The following USP50 variants were observed in gnomAD, a reference collection of about 807,000 sequenced individuals.
USP50 encodes the protein ubiquitin carboxyl-terminal hydrolase 50.
A neutral mutation model predicts 39.2 loss-of-function variants in USP50; 37 were observed. The observed-to-expected ratio is 0.94, with a 90% CI of 0.73 to 1.24. The LOEUF is 1.24. Ranked by LOEUF, USP50 falls within the 50% of genes most tolerant of loss-of-function variation. USP50 has a pLI of 0.00. For missense variants in USP50, 374 were observed against 398.2 expected (o/e 0.94, Z 0.52); for synonymous variants, 139 against 144.5 (o/e 0.96, Z 0.27).
At chr15:50,545,708 C>T (rs12438850) in intron 1 of USP50, among the ~76,000 whole-genome samples, 24,471 of 151,674 alleles carry the variant, frequency 0.16, 2,358 homozygotes, top group Admixed American at 0.29. Context: ...CACACACACA[C>T]ATATACACGG....
chr15:50,529,832 G>T lies in USP50; in HGVS notation c.901C>A (p.Arg301=). The change falls in exon 6 of 7, where the codon CGG becomes AGG. Residue 301 remains arginine, a synonymous_variant. Coordinates refer to ENST00000532404, the MANE Select transcript of USP50 (RefSeq NM_203494.5). ...DLTPYICSIF[R]KYPKYNLCAV... ...CAGAGGTTGTATTTAGGATATTTCCGGAAAATTGAGCAAATATAAGGAGTG... is the reference window on the plus strand; with the variant it reads ...CAGAGGTTGTATTTAGGATATTTCCTGAAAATTGAGCAAATATAAGGAGTG... 6.2e-7 allele frequency: 1 copy of T among 1,613,756 alleles called. No individual in the cohort carries two copies. Among genetic ancestry groups the T allele is most frequent in the Non-Finnish European group, 8.5e-7 (1 of 1,179,818 alleles).
chr15:50,540,509 AG>A, intron 4 of USP50, among the ~76,000 whole-genome samples: 1 of 152,208 alleles, frequency 6.6e-6, no homozygotes, highest in East Asian at 1.9e-4. Context: ...CCAATTTTAC[AG>A]TCAGGCTATT....
chr15:50,538,684 C>T (rs1566911304), intron 5 of USP50, 25 bp downstream of exon 5: 7 of 1,544,596 alleles, frequency 4.5e-6, no homozygotes, highest in South Asian at 2.4e-5. Context: ...AAAATATGTG[C>T]CCACAAAAAT....
chr15:50,529,163 T>C (rs567189248), intron 6 of USP50, among the ~76,000 whole-genome samples: 18 of 152,222 alleles, frequency 1.2e-4, no homozygotes, highest in East Asian at 5.8e-4. Context: ...GTGGCTAGTA[T>C]GTACCTACTC....
At chr15:50,499,013 T>C, downstream of USP50, 1 of 1,614,010 alleles carries the variant, frequency 6.2e-7, no homozygotes, top group Non-Finnish European at 8.5e-7. Context: ...TCTCCGTTTC[T>C]TCTGTGAAAT....
intron 6 of USP50, chr15:50,504,079 A>C (rs2052625923): frequency 6.6e-6 from 1 of 152,196 alleles, no homozygotes; most frequent in Non-Finnish European, 1.5e-5. Context: ...ATGTGATGGG[A>C]AAGATTTGAA....
chr15:50,515,561 AGACT>A (rs777194350), intron 6 of USP50, among the ~76,000 whole-genome samples: 2 of 152,072 alleles, frequency 1.3e-5, no homozygotes, highest in Non-Finnish European at 2.9e-5. Context: ...TATTCTAATA[AGACT>A]GACCCCCAAA....
At chr15:50,500,276 C>G (rs1024477126), downstream of USP50, 1 of 153,472 alleles carries the variant, frequency 6.5e-6, no homozygotes. Context: ...TTAAACTCAT[C>G]GAGCCATTTG....
intron 6 of USP50, among the ~76,000 whole-genome samples, chr15:50,526,232 T>C (rs141442068): frequency 3.0e-3 from 450 of 152,216 alleles, no homozygotes; most frequent in Non-Finnish European, 3.9e-3. Context: ...CTAACTTCTG[T>C]ATTTTTTTGT....
intron 5 of USP50, among the ~76,000 whole-genome samples, chr15:50,530,358 G>C (rs148850701): frequency 2.9e-3 from 445 of 152,042 alleles, no homozygotes; most frequent in Middle Eastern, 6.8e-3. Flanking sequence ...TGAGGCGGGT[G>C]GATCACTTGA....
Position 50,529,909 on chromosome 15 carries a change from G to T in USP50, c.824C>A (p.Thr275Lys), listed in dbSNP as rs373904683. ...AATATCCGTTCTCAGCTTCCTTTTT[G>T]TTGTACCCTGAATGTCAAACCTGCA... ...HLKRFDIQGT[T>K]KRKLRTDIHY... Residue 275 changes from threonine (T) to lysine (K), a missense_variant, in exon 6 of 7, where the codon ACA (threonine) becomes AAA (lysine). By Grantham distance (78) the Thr-to-Lys change is moderately conservative. Coordinates refer to ENST00000532404, the MANE Select transcript of USP50 (RefSeq NM_203494.5). The T allele has an allele frequency of 6.2e-7, 1 of 1,613,828 alleles. No homozygotes were observed. Among genetic ancestry groups the T allele is most frequent in the Non-Finnish European group, 8.5e-7 (1 of 1,179,880 alleles).
chr15:50,510,621 G>A (rs1466506344), intron 6 of USP50: 1 of 152,130 alleles, frequency 6.6e-6, no homozygotes, highest in Non-Finnish European at 1.5e-5. Context: ...GAAGTGTCAC[G>A]ATACAAGATT....
chr15:50,493,316 T>C, downstream of USP50: 1 of 520,530 alleles, frequency 1.9e-6, no homozygotes, highest in South Asian at 1.4e-5. Context: ...AACCTATGAA[T>C]AAGTAAGCAT....
intron 1 of USP50, among the ~76,000 whole-genome samples, chr15:50,495,244 ACG>A (rs2052334634): frequency 1.7e-5 from 1 of 57,852 alleles, no homozygotes; most frequent in Non-Finnish European, 4.1e-5. Flanking sequence ...ATATATATAT[ACG>A]TGTATATATA....
intron 6 of USP50, among the ~76,000 whole-genome samples, chr15:50,521,124 C>T (rs1383569315): frequency 6.6e-6 from 1 of 152,124 alleles, no homozygotes; most frequent in South Asian, 2.1e-4. Context: ...TCACTGCAAC[C>T]TCCACCTCCC....
rs767962082 is a variant in USP50, at chr15:50,546,537, C to A, written c.-12G>T. ...GGCTGAGAAGTCATTTTAATGGAACCACGTTGGACTTTTGCTTCTATTCAG... is the reference window on the plus strand; with the variant it reads ...GGCTGAGAAGTCATTTTAATGGAACAACGTTGGACTTTTGCTTCTATTCAG... On this transcript the variant is annotated 5_prime_UTR_variant, in exon 1 of 7. Transcript: ENST00000532404. 1 of 1,613,436 alleles carries A rather than the reference C, an allele frequency of 6.2e-7. No individual in the cohort carries two copies. Among genetic ancestry groups the A allele is most frequent in the East Asian group, 2.2e-5 (1 of 44,872 alleles).
chr15:50,505,025 A>AATTAG (rs1308940541), intron 6 of USP50: 1 of 152,066 alleles, frequency 6.6e-6, no homozygotes, highest in African/African-American at 2.4e-5. Flanking sequence ...AAGTTGGGGA[A>AATTAG]ATTAGCAAGA....
At position 50,543,597 on chromosome 15, in the gene USP50, C is replaced by G. The variant is rs769907373; in HGVS notation, c.444+1G>C. The G allele has an allele frequency of 1.9e-6, 3 of 1,611,752 alleles. No homozygotes were observed. In the East Asian group the frequency reaches 6.7e-5, roughly 36 times the overall value. On this transcript the variant is annotated splice_donor_variant, in intron 3 of 6. Transcript: ENST00000532404. LOFTEE classifies it high-confidence loss of function. ...ATTTCAAGGTCATTAACTCTACTTA[C>G]CTTTTTTAGAGCTTCATGAAGTTCA...
intron 6 of USP50, among the ~76,000 whole-genome samples, chr15:50,514,994 T>TAA (rs386382963): frequency 0.29 from 21,402 of 74,212 alleles, 3,123 homozygotes; most frequent in Admixed American, 0.34. Context: ...AGACACAGTC[T>TAA]AAAAAAAAAA....
Sources: gnomAD v4.1 joint callset for allele counts (sites outside exome capture counted in the v4.1 genomes callset) on GRCh38, gnomAD v4.1.1 for gene constraint, MANE v1.5 for transcripts, NCBI Gene and HGNC (gene_info 2026-07-23, HGNC 2026-07-21) for gene names.